The following UGGT2 variants were observed in gnomAD, a reference collection of about 807,000 sequenced individuals.
The protein encoded by UGGT2 is UDP-glucose:glycoprotein glucosyltransferase 2.
Under a neutral mutation model 192.1 loss-of-function variants are expected in UGGT2, and 180 were observed. That is an observed-to-expected ratio of 0.94 (90% confidence interval 0.83 to 1.06). The LOEUF (loss-of-function observed/expected upper bound fraction) is 1.06. Ranked by LOEUF, UGGT2 falls within the 50% of genes least tolerant of loss-of-function variation. The pLI is 0.00. For missense variants in UGGT2, 1,849 were observed against 1,795.7 expected (o/e 1.03, Z -0.54); for synonymous variants, 580 against 591.0 (o/e 0.98, Z 0.27).
At chr13:95,910,982 A>C (rs188841268) in intron 20 of UGGT2, among the ~76,000 whole-genome samples, 6 of 152,232 alleles carry the variant, frequency 3.9e-5, no homozygotes, top group Non-Finnish European at 7.3e-5. Context: ...TTGATCCTGA[A>C]TGACTACTGG....
rs775739493 is a variant in UGGT2 at position 95,856,299 on chromosome 13, A to G, written c.3867T>C (p.Tyr1289=). 1 of 1,612,424 alleles carries G rather than the reference A, an allele frequency of 6.2e-7. No homozygotes were observed. Among genetic ancestry groups the G allele is most frequent in the Non-Finnish European group, 8.5e-7 (1 of 1,179,566 alleles). The change falls in exon 34 of 39, where the codon TAT becomes TAC. Residue 1289 remains tyrosine, a synonymous_variant. Transcript: ENST00000376747. Reference sequence around the variant, plus strand: ...GGGGCCACCTATATTGAACTAGTTCATATCGGAATCCATACTCTTTAGCCA... The same window carrying G: ...GGGGCCACCTATATTGAACTAGTTCGTATCGGAATCCATACTCTTTAGCCA... ...PHMAKEYGFR[Y]ELVQYRWPRW... is the part of the protein sequence containing the mutation.
intron 1 of UGGT2, among the ~76,000 whole-genome samples, chr13:96,052,052 T>C (rs2053501470): frequency 6.6e-6 from 1 of 152,020 alleles, no homozygotes; most frequent in African/African-American, 2.4e-5. Flanking sequence ...AATTCACAAG[T>C]GCAAAAATGT....
chr13:95,866,525 A>G (rs769899192), intron 30 of UGGT2, among the ~76,000 whole-genome samples: 5 of 152,150 alleles, frequency 3.3e-5, no homozygotes, highest in Non-Finnish European at 5.9e-5. Context: ...ATTAGTACCA[A>G]TTCAAGGTTC....
intron 2 of UGGT2, among the ~76,000 whole-genome samples, chr13:96,029,567 T>C (rs1034208511): frequency 6.6e-6 from 1 of 152,138 alleles, no homozygotes; most frequent in Non-Finnish European, 1.5e-5. Flanking sequence ...ATTACAGGCA[T>C]GAGCCACTGT....
chr13:96,038,531 T>A (rs1225531068), intron 1 of UGGT2, among the ~76,000 whole-genome samples: 2 of 152,198 alleles, frequency 1.3e-5, no homozygotes, highest in African/African-American at 4.8e-5. Flanking sequence ...TCTACACATC[T>A]TTCCTGGATA....
intron 38 of UGGT2, among the ~76,000 whole-genome samples, chr13:95,815,908 T>C (rs1332481199): frequency 6.6e-6 from 1 of 152,258 alleles, no homozygotes. Flanking sequence ...TTAGCAGCAT[T>C]CCCTCGGTGC....
chr13:95,996,659 C>T (rs2051631957), intron 6 of UGGT2, among the ~76,000 whole-genome samples: 1 of 152,052 alleles, frequency 6.6e-6, no homozygotes, highest in Non-Finnish European at 1.5e-5. Flanking sequence ...TACTTAGCAA[C>T]TATAATAAAG....
At chr13:95,927,154 TATAA>T (rs1243112674) in intron 18 of UGGT2, 28 bp from the exon 19 acceptor site, 10 of 1,605,062 alleles carry the variant, frequency 6.2e-6, no homozygotes, top group African/African-American at 2.7e-5. Flanking sequence ...AAACGTTAAA[TATAA>T]ATAAAGAATT....
chr13:95,890,902 G>C lies in UGGT2; in HGVS notation c.2918C>G (p.Pro973Arg). ...CATTTTCTGTGCTTCTCTTGTTAAT[G>C]GATCAACAATAGCAATGACATTGAA... ...MFFNVIAIVD[P>R]LTREAQKMAQ... The change falls in exon 25 of 39, where the codon CCA (proline) becomes CGA (arginine). Residue 973 changes from proline to arginine, a missense_variant. Pro to Arg is a moderately radical substitution (Grantham distance 103). Coordinates refer to ENST00000376747, the MANE Select transcript of UGGT2 (RefSeq NM_020121.4). The C allele has an allele frequency of 6.2e-7, 1 of 1,612,832 alleles. No individual in the cohort carries two copies.
At chr13:95,993,947 A>G (rs925670295) in intron 7 of UGGT2, among the ~76,000 whole-genome samples, 1 of 152,092 alleles carries the variant, frequency 6.6e-6, no homozygotes, top group East Asian at 1.9e-4. Context: ...CTTGTCTTCA[A>G]TCAGCGTGGC....
intron 4 of UGGT2, among the ~76,000 whole-genome samples, chr13:96,019,129 G>T (rs543302684): frequency 7.5e-5 from 10 of 133,532 alleles, no homozygotes; most frequent in South Asian, 5.7e-4. Flanking sequence ...TAGCGGGGGG[G>T]GGGGGGGGGA....
intron 17 of UGGT2, among the ~76,000 whole-genome samples, chr13:95,934,881 T>C (rs1295272966): frequency 6.6e-6 from 1 of 152,218 alleles, no homozygotes; most frequent in Non-Finnish European, 1.5e-5. Context: ...CCCACTATTA[T>C]TGCGCAGCTG....
At chr13:95,854,151 A>G (rs753844711) in intron 35 of UGGT2, among the ~76,000 whole-genome samples, 164 bp downstream of exon 35, 1 of 152,212 alleles carries the variant, frequency 6.6e-6, no homozygotes, top group Non-Finnish European at 1.5e-5. Context: ...ATGACTTAAT[A>G]TACGTAAAGG....
rs960680875 is a variant in UGGT2 at position 95,908,092 on chromosome 13, C to T, written c.2296-5032G>A. Among the ~76,000 whole-genome samples the T allele has an allele frequency of 7.2e-5, 11 of 152,072 alleles. No homozygotes were observed. In the South Asian group the frequency reaches 1.0e-3, roughly 14 times the overall value. ...GCTGAAAACCATGGCATGAGAACTT[C>T]GTGACACATGCACAAGCTTCAATAG... On this transcript the variant is annotated intron_variant, in intron 20 of 38. Transcript: ENST00000376747.
intron 36 of UGGT2, among the ~76,000 whole-genome samples, chr13:95,852,044 C>A (rs1889105070): frequency 6.6e-6 from 1 of 152,060 alleles, no homozygotes; most frequent in South Asian, 2.1e-4. Context: ...AGTCTGTAAA[C>A]ACATATATAT....
intron 17 of UGGT2, among the ~76,000 whole-genome samples, chr13:95,928,478 C>T (rs1211724357): frequency 4.7e-5 from 7 of 148,922 alleles, no homozygotes; most frequent in South Asian, 2.2e-4. Flanking sequence ...ACTTCTCAGA[C>T]GGGGCAGCCG....
chr13:95,871,880 C>T (rs933082199), intron 29 of UGGT2, among the ~76,000 whole-genome samples: 5 of 152,158 alleles, frequency 3.3e-5, no homozygotes, highest in African/African-American at 9.7e-5. Flanking sequence ...TGAGTTTTAA[C>T]TACTGCAGAG....
chr13:96,019,687 C>T (rs1566831287), intron 4 of UGGT2, among the ~76,000 whole-genome samples: 1 of 152,194 alleles, frequency 6.6e-6, no homozygotes, highest in Non-Finnish European at 1.5e-5. Context: ...TATTTTTAAG[C>T]TGCCCATCTG....
chr13:95,830,672 GT>G (rs1314313034), intron 38 of UGGT2, among the ~76,000 whole-genome samples: 4 of 151,934 alleles, frequency 2.6e-5, no homozygotes, highest in Non-Finnish European at 5.9e-5. Flanking sequence ...CACTTTTACA[GT>G]ATGGTAAGGC....
Sources: gnomAD v4.1 joint callset for allele counts (sites outside exome capture counted in the v4.1 genomes callset) on GRCh38, gnomAD v4.1.1 for gene constraint, MANE v1.5 for transcripts, NCBI Gene and HGNC (gene_info 2026-07-23, HGNC 2026-07-21) for gene names.